The following C12orf42 variants were observed in gnomAD, a reference collection of about 807,000 sequenced individuals.
C12orf42 encodes the protein uncharacterized protein C12orf42.
Under a neutral mutation model 21.6 loss-of-function variants are expected in C12orf42, and 25 were observed. The observed-to-expected ratio is 1.16, with a 90% CI of 0.84 to 1.62. The LOEUF is 1.62. Among genes scored for constraint, C12orf42 ranks in the 40% most tolerant of loss-of-function variants. The pLI, the probability that C12orf42 is intolerant of heterozygous loss-of-function variation, is 0.00. For missense variants in C12orf42, 483 were observed against 459.3 expected, an observed-to-expected ratio of 1.05 and a Z score of -0.47; for synonymous variants, 174 against 175.0, an observed-to-expected ratio of 0.99 and a Z score of 0.05.
the C12orf42 span, among the ~76,000 whole-genome samples, chr12:103,519,537 G>A: frequency 6.6e-6 from 1 of 152,142 alleles, no homozygotes; most frequent in East Asian, 1.9e-4. Context: ...CCACAGAATA[G>A]AATGGTGTAC....
chr12:103,183,371 C>T, the C12orf42 span, among the ~76,000 whole-genome samples: 2 of 152,234 alleles, frequency 1.3e-5, no homozygotes, highest in African/African-American at 2.4e-5. Context: ...TGAGCCACCA[C>T]GCCCAGCCCT....
chr12:103,088,063 T>G, the C12orf42 span, among the ~76,000 whole-genome samples: 1 of 152,226 alleles, frequency 6.6e-6, no homozygotes, highest in African/African-American at 2.4e-5. Flanking sequence ...CTAGGGCTAT[T>G]AGATTTTGAT....
At chr12:103,359,324 C>T (rs1414687953) in intron 4 of C12orf42, among the ~76,000 whole-genome samples, 1 of 152,010 alleles carries the variant, frequency 6.6e-6, no homozygotes, top group Non-Finnish European at 1.5e-5. Flanking sequence ...ATCAAACACA[C>T]AGATTTGTAA....
At chr12:103,230,518 T>C in the C12orf42 span, among the ~76,000 whole-genome samples, 3 of 152,212 alleles carry the variant, frequency 2.0e-5, no homozygotes, top group East Asian at 1.9e-4. Flanking sequence ...GAGAGGATTA[T>C]ATAGGGAAAT....
the C12orf42 span, among the ~76,000 whole-genome samples, chr12:103,537,794 TC>T: frequency 6.6e-6 from 1 of 152,154 alleles, no homozygotes; most frequent in Non-Finnish European, 1.5e-5. Flanking sequence ...ACACCAGGTC[TC>T]CCCCAACTTA....
chr12:103,363,427 A>G (rs115078222), intron 4 of C12orf42, among the ~76,000 whole-genome samples: 5,793 of 152,222 alleles, frequency 0.038, 303 homozygotes, highest in African/African-American at 0.11. Context: ...TAAAACAAAA[A>G]TACAATTAAA....
At chr12:103,533,606 A>G in the C12orf42 span, among the ~76,000 whole-genome samples, 1 of 152,208 alleles carries the variant, frequency 6.6e-6, no homozygotes, top group Admixed American at 6.5e-5. Flanking sequence ...ATTTTCTGAG[A>G]TAACTTTTGC....
At chr12:103,184,726 A>G in the C12orf42 span, among the ~76,000 whole-genome samples, 40 of 80,562 alleles carry the variant, frequency 5.0e-4, no homozygotes, top group Non-Finnish European at 8.4e-4. Flanking sequence ...CCCCCCCCCA[A>G]ATATATATGT....
chr12:103,546,992 C>T, the C12orf42 span, among the ~76,000 whole-genome samples: 11 of 152,228 alleles, frequency 7.2e-5, 1 homozygote, highest in Non-Finnish European at 1.6e-4. Flanking sequence ...CTCCAGTCTT[C>T]ATCAAACCTG....
chr12:103,316,116 T>TAC (rs150989368), intron 4 of C12orf42, among the ~76,000 whole-genome samples: 7 of 150,088 alleles, frequency 4.7e-5, no homozygotes, highest in South Asian at 4.2e-4. Flanking sequence ...AGTATATATA[T>TAC]ACACACACAC....
At chr12:103,078,453 G>A in the C12orf42 span, among the ~76,000 whole-genome samples, 1 of 152,124 alleles carries the variant, frequency 6.6e-6, no homozygotes, top group South Asian at 2.1e-4. Context: ...TGATGTCATT[G>A]CTACTATATT....
At chr12:103,455,001 G>A (rs530168830) in intron 2 of C12orf42, among the ~76,000 whole-genome samples, 2 of 152,186 alleles carry the variant, frequency 1.3e-5, no homozygotes, top group South Asian at 2.1e-4. Context: ...ATAGGTTTTC[G>A]TGAAGATTAA....
the C12orf42 span, among the ~76,000 whole-genome samples, chr12:103,162,109 C>T: frequency 6.6e-6 from 1 of 152,110 alleles, no homozygotes; most frequent in African/African-American, 2.4e-5. Flanking sequence ...CCTTTCTATA[C>T]ATGGAGTAAG....
At chr12:103,443,934 T>A (rs959931755) in intron 2 of C12orf42, among the ~76,000 whole-genome samples, 1 of 152,160 alleles carries the variant, frequency 6.6e-6, no homozygotes, top group African/African-American at 2.4e-5. Context: ...CCAGATTTCA[T>A]GTTGCACATT....
At chr12:103,493,628 C>T (rs1349332458) in intron 1 of C12orf42, among the ~76,000 whole-genome samples, 1 of 151,640 alleles carries the variant, frequency 6.6e-6, no homozygotes, top group Non-Finnish European at 1.5e-5. Flanking sequence ...TTATTTTACC[C>T]CCTTACATCT....
intron 4 of C12orf42, chr12:103,367,913 T>A (rs1331509593): frequency 4.6e-6 from 2 of 431,504 alleles, no homozygotes; most frequent in Non-Finnish European, 7.7e-6. Context: ...GGCCCTGATA[T>A]GAATACATAT....
At chr12:103,189,128 T>C in the C12orf42 span, among the ~76,000 whole-genome samples, 1 of 152,180 alleles carries the variant, frequency 6.6e-6, no homozygotes, top group African/African-American at 2.4e-5. Context: ...ATTAAAAACA[T>C]GAGACAAAAA....
intron 10 of C12orf42, among the ~76,000 whole-genome samples, chr12:103,245,296 C>G: frequency 6.6e-6 from 1 of 152,072 alleles, no homozygotes. Flanking sequence ...TTATTAAGCT[C>G]TCTTGGTTCC....
chr12:103,137,576 GT>G, the C12orf42 span, among the ~76,000 whole-genome samples: 21 of 152,292 alleles, frequency 1.4e-4, no homozygotes, highest in African/African-American at 4.3e-4. Flanking sequence ...GCATTCCCAT[GT>G]TTATCACAGC....
Sources: allele counts gnomAD v4.1 joint callset (sites outside exome capture counted in the v4.1 genomes callset), GRCh38; gene constraint gnomAD v4.1.1; transcripts MANE v1.5; gene names NCBI Gene and HGNC (gene_info 2026-07-23, HGNC 2026-07-21).